FMNL2: variants seen among roughly 807,000 people sequenced by gnomAD.
FMNL2 encodes formin-like protein 2.
Under a neutral mutation model 130.2 loss-of-function variants are expected in FMNL2, and 51 were observed. The ratio of observed to expected loss-of-function variants is 0.39; its 90% CI spans 0.31 to 0.49. FMNL2 has a LOEUF of 0.49. Among genes scored for constraint, FMNL2 ranks in the 20% least tolerant of loss-of-function variants. The pLI is 0.85. For synonymous variants in FMNL2, 465 were observed against 467.1 expected, an observed-to-expected ratio of 1.00 and a Z score of 0.06; for missense variants, 977 against 1,316.2, an observed-to-expected ratio of 0.74 and a Z score of 3.99.
At chr2:152,593,299 A>G (rs1048402223) in intron 9 of FMNL2, among the ~76,000 whole-genome samples, 2 of 152,210 alleles carry the variant, frequency 1.3e-5, no homozygotes, top group Non-Finnish European at 2.9e-5. Context: ...AGAAGGGAAA[A>G]AAGAGAAAGG....
At chr2:152,341,352 G>A (rs1316874038) in intron 1 of FMNL2, among the ~76,000 whole-genome samples, 1 of 152,142 alleles carries the variant, frequency 6.6e-6, no homozygotes, top group Non-Finnish European at 1.5e-5. Context: ...ACAATATATT[G>A]GGGTATCTAG....
chr2:152,507,121 G>C (rs1692217688), intron 1 of FMNL2, among the ~76,000 whole-genome samples: 1 of 152,208 alleles, frequency 6.6e-6, no homozygotes, highest in Non-Finnish European at 1.5e-5. Context: ...TTTGAGTCTT[G>C]TTGCTTCCTT....
intron 6 of FMNL2, among the ~76,000 whole-genome samples, chr2:152,574,449 A>AG (rs1696358320): frequency 6.6e-6 from 1 of 151,536 alleles, no homozygotes; most frequent in Non-Finnish European, 1.5e-5. Flanking sequence ...AAAAAAAAAA[A>AG]AAAAAGAAAA....
chr2:152,360,538 T>C (rs1414641248), intron 1 of FMNL2, among the ~76,000 whole-genome samples: 1 of 152,156 alleles, frequency 6.6e-6, no homozygotes, highest in Non-Finnish European at 1.5e-5. Flanking sequence ...ACAGATGGTC[T>C]GTATGCTGTC....
intron 6 of FMNL2, among the ~76,000 whole-genome samples, chr2:152,571,009 GTT>G (rs1041535517): frequency 3.3e-5 from 5 of 152,192 alleles, no homozygotes; most frequent in African/African-American, 1.2e-4. Context: ...AGAGCAGGAA[GTT>G]TTGTGGCATT....
chr2:152,485,765 G>A (rs540218547), intron 1 of FMNL2, among the ~76,000 whole-genome samples: 24 of 152,202 alleles, frequency 1.6e-4, no homozygotes, highest in Admixed American at 5.2e-4. Flanking sequence ...CTGTGCTAGC[G>A]GCATCTCCAT....
intron 1 of FMNL2, among the ~76,000 whole-genome samples, chr2:152,336,439 A>T (rs1681453802): frequency 6.6e-6 from 1 of 152,110 alleles, no homozygotes. Context: ...ACGTGTTGCG[A>T]GCTGTCCTGA....
chr2:152,425,334 A>G (rs1001455218), intron 1 of FMNL2, among the ~76,000 whole-genome samples: 44 of 152,322 alleles, frequency 2.9e-4, no homozygotes, highest in African/African-American at 1.0e-3. Flanking sequence ...GTAACTGCCA[A>G]GTGGTCTTAT....
At chr2:152,632,659 T>C (rs1196957432) in intron 21 of FMNL2, among the ~76,000 whole-genome samples, 1 of 152,160 alleles carries the variant, frequency 6.6e-6, no homozygotes, top group African/African-American at 2.4e-5. Flanking sequence ...AGTATCTCCA[T>C]TATTATAGGT....
intron 1 of FMNL2, among the ~76,000 whole-genome samples, chr2:152,408,012 GA>G (rs1034761756): frequency 2.6e-5 from 4 of 152,164 alleles, no homozygotes; most frequent in African/African-American, 9.7e-5. Context: ...ACTTGGGTTG[GA>G]AAAGTCACTC....
At chr2:152,421,698 G>A (rs1686932966) in intron 1 of FMNL2, among the ~76,000 whole-genome samples, 1 of 152,142 alleles carries the variant, frequency 6.6e-6, no homozygotes. Context: ...TCCTGTTACT[G>A]ATTACTGGCT....
chr2:152,575,073 T>A, intron 6 of FMNL2, 63 bp from the exon 7 acceptor site: 1 of 936,864 alleles, frequency 1.1e-6, no homozygotes, highest in Non-Finnish European at 1.7e-6. Context: ...GTCTGTTAAG[T>A]GCATGTGCCT....
intron 10 of FMNL2, among the ~76,000 whole-genome samples, chr2:152,608,643 G>A (rs1400070249): frequency 1.3e-5 from 2 of 151,462 alleles, no homozygotes; most frequent in Admixed American, 6.6e-5. Context: ...TTAAAATCTT[G>A]TTATTAGGAT....
At chr2:152,511,679 T>G (rs939960760) in intron 1 of FMNL2, among the ~76,000 whole-genome samples, 14 of 152,122 alleles carry the variant, frequency 9.2e-5, no homozygotes, top group Admixed American at 8.5e-4. Flanking sequence ...GGTTCAGTAA[T>G]CGTTTCCAGA....
At chr2:152,611,283 G>A (rs1698665895) in intron 10 of FMNL2, among the ~76,000 whole-genome samples, 1 of 152,106 alleles carries the variant, frequency 6.6e-6, no homozygotes, top group Non-Finnish European at 1.5e-5. Flanking sequence ...AGGTTGCAGT[G>A]AGCCGAGATC....
chr2:152,338,764 C>T (rs1681619528), intron 1 of FMNL2, among the ~76,000 whole-genome samples: 1 of 151,326 alleles, frequency 6.6e-6, no homozygotes, highest in Non-Finnish European at 1.5e-5. Context: ...TTAGTGTATA[C>T]ATTTAAACCA....
At chr2:152,578,753 GAC>G (rs1420499597) in intron 7 of FMNL2, 133 bp from the exon 8 acceptor site, 1 of 628,546 alleles carries the variant, frequency 1.6e-6, no homozygotes, top group Non-Finnish European at 2.7e-6. Context: ...ATATACTAGA[GAC>G]ATAAGTGCAT....
At chr2:152,642,086 G>A (rs561912886) in intron 25 of FMNL2, among the ~76,000 whole-genome samples, 118 of 152,016 alleles carry the variant, frequency 7.8e-4, no homozygotes, top group Non-Finnish European at 1.5e-3. Flanking sequence ...GACTACAGGC[G>A]CCCACCACCA....
At chr2:152,468,293 A>T (rs1689666061) in intron 1 of FMNL2, among the ~76,000 whole-genome samples, 1 of 152,230 alleles carries the variant, frequency 6.6e-6, no homozygotes, top group Non-Finnish European at 1.5e-5. Context: ...CGTCCGATAC[A>T]GGAACCACCA....
Sources: gnomAD v4.1 joint callset for allele counts (sites outside exome capture counted in the v4.1 genomes callset) on GRCh38, gnomAD v4.1.1 for gene constraint, MANE v1.5 for transcripts, NCBI Gene and HGNC (gene_info 2026-07-23, HGNC 2026-07-21) for gene names.